Variants in GOLM2 observed in about 807,000 individuals in gnomAD.
GOLM2 encodes the protein protein GOLM2.
A neutral mutation model predicts 55.9 loss-of-function variants in GOLM2; 26 were observed. That is an observed-to-expected ratio of 0.47 (90% CI 0.34 to 0.65). The LOEUF is 0.65. Ranked by LOEUF, GOLM2 falls within the 30% of genes least tolerant of loss-of-function variation. GOLM2 has a pLI of 0.01. For synonymous variants in GOLM2, 165 were observed against 194.6 expected, an observed-to-expected ratio of 0.85 and a Z score of 1.27; for missense variants, 486 against 531.8, an observed-to-expected ratio of 0.91 and a Z score of 0.85.
chr15:44,409,265 C>A (rs1258316345), intron 9 of GOLM2, among the ~76,000 whole-genome samples: 2 of 146,360 alleles, frequency 1.4e-5, no homozygotes, highest in East Asian at 4.1e-4. Flanking sequence ...GCTTGAGCGA[C>A]AGAGCAAGAC....
intron 8 of GOLM2, chr15:44,389,979 C>T (rs1408072768): frequency 6.6e-6 from 1 of 152,138 alleles, no homozygotes; most frequent in Non-Finnish European, 1.5e-5. Flanking sequence ...CATTCCTGAC[C>T]TCACTACAAA....
intron 1 of GOLM2, among the ~76,000 whole-genome samples, chr15:44,300,017 T>G (rs1039806813): frequency 6.6e-6 from 1 of 150,480 alleles, no homozygotes; most frequent in Non-Finnish European, 1.5e-5. Flanking sequence ...GGAGGATCAC[T>G]TGAGCCCAGG....
At chr15:44,316,285 A>G (rs1249701160) in intron 1 of GOLM2, among the ~76,000 whole-genome samples, 2 of 151,688 alleles carry the variant, frequency 1.3e-5, no homozygotes, top group African/African-American at 2.4e-5. Flanking sequence ...TGTCACAGCT[A>G]CTGAGTTCGA....
At chr15:44,392,021 T>C (rs1413754635) in intron 8 of GOLM2, among the ~76,000 whole-genome samples, 1 of 151,954 alleles carries the variant, frequency 6.6e-6, no homozygotes, top group Non-Finnish European at 1.5e-5. Flanking sequence ...CTGCTAATTT[T>C]GTATTTTTAG....
At chr15:44,406,730 A>G (rs936808810) in intron 9 of GOLM2, 4 of 152,202 alleles carry the variant, frequency 2.6e-5, no homozygotes, top group Non-Finnish European at 2.9e-5. Flanking sequence ...TTAATGCTCA[A>G]TCAATAGGGG....
At chr15:44,297,095 G>T (rs372832692) in intron 1 of GOLM2, among the ~76,000 whole-genome samples, 1 of 152,098 alleles carries the variant, frequency 6.6e-6, no homozygotes, top group Non-Finnish European at 1.5e-5. Context: ...TAGAAATTTG[G>T]TGTTGTCTTT....
chr15:44,398,221 G>A (rs1461711519), intron 8 of GOLM2, among the ~76,000 whole-genome samples: 3 of 152,238 alleles, frequency 2.0e-5, no homozygotes, highest in African/African-American at 7.2e-5. Context: ...GTGTGCAATA[G>A]CACACGTACT....
intron 6 of GOLM2, among the ~76,000 whole-genome samples, chr15:44,369,540 T>TGGG (rs1342770123): frequency 1.3e-5 from 2 of 151,986 alleles, no homozygotes; most frequent in African/African-American, 4.8e-5. Context: ...AAAACAGTTC[T>TGGG]TGGCAGGGCA....
intron 9 of GOLM2, chr15:44,405,180 C>T (rs1158792199): frequency 6.6e-6 from 1 of 152,170 alleles, no homozygotes; most frequent in African/African-American, 2.4e-5. Context: ...TCCCCAAGAC[C>T]CTCATGTTGC....
At chr15:44,359,422 C>A in intron 6 of GOLM2, among the ~76,000 whole-genome samples, 1 of 151,840 alleles carries the variant, frequency 6.6e-6, no homozygotes, top group Non-Finnish European at 1.5e-5. Flanking sequence ...CCCGTCTCTA[C>A]TAAAAATACA....
intron 4 of GOLM2, among the ~76,000 whole-genome samples, chr15:44,334,861 C>T (rs1203941439): frequency 6.6e-6 from 1 of 152,096 alleles, no homozygotes; most frequent in Non-Finnish European, 1.5e-5. Flanking sequence ...GAAACCCCAT[C>T]TCTACTAAAA....
At chr15:44,300,890 C>T (rs868801453) in intron 1 of GOLM2, among the ~76,000 whole-genome samples, 48 of 152,302 alleles carry the variant, frequency 3.2e-4, no homozygotes, top group Middle Eastern at 3.4e-3. Flanking sequence ...TTTTCTTACA[C>T]TGTTTCTGGC....
At chr15:44,359,853 C>T (rs2079224740) in intron 6 of GOLM2, among the ~76,000 whole-genome samples, 1 of 152,230 alleles carries the variant, frequency 6.6e-6, no homozygotes, top group African/African-American at 2.4e-5. Flanking sequence ...CAGCGGATCT[C>T]TCGGGAGAAA....
At chr15:44,357,431 A>T (rs917057181) in intron 6 of GOLM2, among the ~76,000 whole-genome samples, 3 of 152,224 alleles carry the variant, frequency 2.0e-5, no homozygotes, top group Non-Finnish European at 4.4e-5. Flanking sequence ...CTACAAAAAA[A>T]TCTACAAGTA....
intron 8 of GOLM2, among the ~76,000 whole-genome samples, chr15:44,401,518 C>A (rs1472485035): frequency 6.6e-6 from 1 of 152,184 alleles, no homozygotes; most frequent in Admixed American, 6.5e-5. Flanking sequence ...TCCCAAAGTA[C>A]TGCTATGACA....
intron 2 of GOLM2, among the ~76,000 whole-genome samples, chr15:44,328,137 G>A (rs1295345892): frequency 2.5e-4 from 38 of 152,134 alleles, no homozygotes; most frequent in Admixed American, 2.4e-3. Flanking sequence ...GTAATTTAAA[G>A]AATATTTTGG....
chr15:44,414,285 T>A lies in GOLM2; in HGVS notation c.*879T>A, dbSNP rs1408309961. The stretch of plus-strand genomic sequence containing the variant: ...ATTGTGTAGAAAGTCACCTCCCTAC[T>A]CCTTTTATTTTACATGAGTGCTGAT... On this transcript the variant is annotated 3_prime_UTR_variant, in exon 10 of 10. Transcript: ENST00000299957. 6.6e-6 allele frequency: 1 copy of A among 152,202 alleles called. No homozygotes were observed. Among genetic ancestry groups the A allele is most frequent in the African/African-American group, 2.4e-5 (1 of 41,464 alleles). 9.4% of individuals were successfully genotyped at this position (152,202 alleles called of 1,614,324 possible). A position where few individuals can be genotyped will look rare whatever the true frequency, so the allele number is the denominator to read the frequency against.
intron 1 of GOLM2, among the ~76,000 whole-genome samples, chr15:44,322,668 A>G (rs1026287012): frequency 1.3e-5 from 2 of 152,166 alleles, no homozygotes; most frequent in African/African-American, 4.8e-5. Context: ...CTCCTAGAAG[A>G]CAGTGACCAT....
Position 44,362,396 on chromosome 15 carries a change from T to C in GOLM2, c.803-17294T>C, listed in dbSNP as rs1441693479. ...AATCACAAGCATTCTTATACACCAA[T>C]AACAGACAAACAGAGAGCCAAATCA... is the stretch of plus-strand genomic sequence containing the variant. On this transcript the variant is annotated intron_variant, in intron 6 of 9. Transcript: ENST00000299957. Among the ~76,000 whole-genome samples, 50 of 151,048 alleles carry C rather than the reference T, an allele frequency of 3.3e-4. 1 individual carries two copies. Among genetic ancestry groups the C allele is most frequent in the African/African-American group, 9.2e-4 (38 of 41,298 alleles).
Sources: gnomAD v4.1 joint callset for allele counts (sites outside exome capture counted in the v4.1 genomes callset) on GRCh38, gnomAD v4.1.1 for gene constraint, MANE v1.5 for transcripts, NCBI Gene and HGNC (gene_info 2026-07-23, HGNC 2026-07-21) for gene names.